The following ZFHX2 variants were observed in gnomAD, a reference collection of about 807,000 sequenced individuals.
ZFHX2 encodes the protein zinc finger homeobox 2.
ZFHX2 carries 75 observed loss-of-function variants against 164.8 expected under a neutral mutation model. The observed-to-expected ratio is 0.46, with a 90% confidence interval of 0.38 to 0.55. ZFHX2 has a LOEUF of 0.55. ZFHX2 is among the 20% of genes least tolerant of loss of function. The probability of loss-of-function intolerance (pLI) is 0.00; values close to 1 mark genes in which losing one functional copy is unlikely to be tolerated. For missense variants in ZFHX2, 2,933 were observed against 3,308.0 expected (o/e 0.89, Z 2.78); for synonymous variants, 1,217 against 1,351.4 (o/e 0.90, Z 2.18).
chr14:23,542,632 T>TGA (rs1385326957), intron 1 of ZFHX2, among the ~76,000 whole-genome samples: 1 of 152,212 alleles, frequency 6.6e-6, no homozygotes, highest in Non-Finnish European at 1.5e-5. Flanking sequence ...ACCCTTCTTC[T>TGA]GTATGAGCAC....
chr14:23,531,811 C>T (rs1454099900), intron 3 of ZFHX2, 90 bp from the exon 4 acceptor site: 4 of 1,258,704 alleles, frequency 3.2e-6, no homozygotes, highest in East Asian at 3.1e-5. Context: ...AGAGTCTTGC[C>T]CTGTTGCCCA....
Position 23,527,625 on chromosome 14 carries a change from G to A in ZFHX2, c.3114C>T (p.Cys1038=), listed in dbSNP as rs559963392. The change falls in exon 7 of 10, where the codon TGC becomes TGT. Residue 1038 remains cysteine (C), a synonymous_variant. Transcript: ENST00000419474. The part of the protein sequence containing the change: ...LSHLHNVVPE[C]VEKLLLVATT... ...TCACTACAAGCAGCAGCTTCTCAACGCACTCGGGCACCACGTTGTGAAGGT... is the reference window on the plus strand; with the variant it reads ...TCACTACAAGCAGCAGCTTCTCAACACACTCGGGCACCACGTTGTGAAGGT... 17 of 1,536,546 alleles carry A rather than the reference G, an allele frequency of 1.1e-5. No individual in the cohort carries two copies. The East Asian group carries it at 2.4e-4, about 22-fold the overall frequency.
Position 23,520,951 on chromosome 14 carries a change from T to C in ZFHX2, c.*1011A>G, listed in dbSNP as rs1211997687. On this transcript the variant is annotated 3_prime_UTR_variant, in exon 10 of 10. Transcript: ENST00000419474. This position sits in a 1 kb window ranked among gnomAD's most constrained non-coding sequence, Gnocchi z 8.7. Reference sequence around the variant, plus strand: ...CTCTGGTGTCCGTTTCTCTCTTTTGTGCGCGTGTGCACGTACTCTCTCTCG... The same window carrying C: ...CTCTGGTGTCCGTTTCTCTCTTTTGCGCGCGTGTGCACGTACTCTCTCTCG... 6 of 152,028 alleles carry C rather than the reference T, an allele frequency of 3.9e-5. No homozygotes were observed. Among genetic ancestry groups the C allele is most frequent in the Non-Finnish European group, 8.8e-5 (6 of 67,976 alleles). 9.4% of individuals were successfully genotyped at this position (152,028 alleles called of 1,614,324 possible). A position where few individuals can be genotyped will look rare whatever the true frequency, so the allele number is the denominator to read the frequency against.
At chr14:23,527,071 C>T in intron 7 of ZFHX2, 98 bp from the exon 8 acceptor site, 1 of 1,391,618 alleles carries the variant, frequency 7.2e-7, no homozygotes, top group Non-Finnish European at 9.3e-7. Context: ...GTGCCGAGAT[C>T]CCTTGCCACA....
Position 23,525,735 on chromosome 14 carries a change from C to A in ZFHX2, c.4207G>T (p.Ala1403Ser). ...TPPPPPQPPKAELAEREWERP... is the reference protein window; with the variant it reads ...TPPPPPQPPKSELAEREWERP... Reference sequence around the variant, plus strand: ...TCCCACTCCCGCTCAGCCAGCTCAGCCTTGGGAGGTTGGGGTGGAGGAGGA... The same window carrying A: ...TCCCACTCCCGCTCAGCCAGCTCAGACTTGGGAGGTTGGGGTGGAGGAGGA... Residue 1403 changes from alanine to serine, a missense_variant, in exon 9 of 10, where the codon GCT (alanine) becomes TCT (serine). Ala to Ser is a moderately conservative substitution (Grantham distance 99). Coordinates refer to ENST00000419474, the MANE Select transcript of ZFHX2 (RefSeq NM_033400.3). This position sits in a 1 kb window ranked among gnomAD's most constrained non-coding sequence, Gnocchi z 5.9. 1.3e-6 allele frequency: 2 copies of A among 1,513,642 alleles called. No individual in the cohort carries two copies. The highest frequency in any genetic ancestry group is 1.8e-6 in the Non-Finnish European group (2 of 1,134,976). 93.8% of individuals were successfully genotyped at this position (1,513,642 alleles called of 1,614,324 possible). A position where few individuals can be genotyped will look rare whatever the true frequency, so the allele number is the denominator to read the frequency against.
rs1438136145 is a variant in ZFHX2 at position 23,522,330 on chromosome 14, A to T, written c.7351T>A (p.Tyr2451Asn). 4 of 1,532,936 alleles carry T rather than the reference A, an allele frequency of 2.6e-6. No homozygotes were observed. The highest frequency in any genetic ancestry group is 3.5e-6 in the Non-Finnish European group (4 of 1,145,094). The allele number at this position is 1,532,936 out of a possible 1,614,324, so 95.0% of individuals were successfully genotyped here. A position where few individuals can be genotyped will look rare whatever the true frequency, so the allele number is the denominator to read the frequency against. ...GCCATCTTGCACTGGCGGCACAGGTAGCGATGGGTTACATCCACGGTGGAG... is the reference window on the plus strand; with the variant it reads ...GCCATCTTGCACTGGCGGCACAGGTTGCGATGGGTTACATCCACGGTGGAG... ...GISTVDVTHR[Y>N]LCRQCKMAFD... is the part of the protein sequence containing the mutation. Residue 2451 changes from tyrosine (Y) to asparagine (N), a missense_variant, in exon 10 of 10, where the codon TAC becomes AAC. Tyr to Asn is a moderately radical substitution (Grantham distance 143, BLOSUM62 -2). Transcript: ENST00000419474.
In ZFHX2 at chr14:23,521,852, G is replaced by A. The variant is rs1036476488; in HGVS notation, c.*110C>T. ...GTGGGAACTGAACAGTTCCTGTGAG[G>A]TGGGCGGGGCCAGGGGGTGGGGTGA... On this transcript the variant is annotated 3_prime_UTR_variant, in exon 10 of 10. Coordinates refer to ENST00000419474, the MANE Select transcript of ZFHX2 (RefSeq NM_033400.3). The A allele has an allele frequency of 2.0e-6, 3 of 1,481,132 alleles. No homozygotes were observed. Among genetic ancestry groups the A allele is most frequent in the Admixed American group, 4.5e-5 (2 of 44,786 alleles). The allele number at this position is 1,481,132 out of a possible 1,614,324, so 91.7% of individuals were successfully genotyped here.
chr14:23,524,599 C>T lies in ZFHX2; in HGVS notation c.5343G>A (p.Gln1781=), dbSNP rs1030973673. Residue 1781 remains glutamine, a synonymous_variant, in exon 9 of 10, where the codon CAG becomes CAA. Coordinates refer to ENST00000419474, the MANE Select transcript of ZFHX2 (RefSeq NM_033400.3). The surrounding 1 kb of genome is among the most constrained non-coding windows in gnomAD (Gnocchi z 5.6). Reference sequence around the variant, plus strand: ...GTCGGCGGTGACTGGTCAGGAGGTCCTGGCTGGAGAAAGAAATGGCACACT... The same window carrying T: ...GTCGGCGGTGACTGGTCAGGAGGTCTTGGCTGGAGAAAGAAATGGCACACT... The part of the protein sequence containing the change: ...CDQCAISFSS[Q]DLLTSHRRLH... The T allele has an allele frequency of 4.6e-6, 7 of 1,536,152 alleles. No individual in the cohort carries two copies. In the Admixed American group the frequency reaches 5.9e-5, roughly 13 times the overall value.
rs141167345 is a variant in ZFHX2 at position 23,521,558 on chromosome 14, G to A, written c.*404C>T. On this transcript the variant is annotated 3_prime_UTR_variant, in exon 10 of 10. Coordinates refer to ENST00000419474, the MANE Select transcript of ZFHX2 (RefSeq NM_033400.3). Reference sequence around the variant, plus strand: ...TCTCAGTGGAACATCATGGGATAACGTGTGTGTGTGCATGTATGTGTATGC... The same window carrying A: ...TCTCAGTGGAACATCATGGGATAACATGTGTGTGTGCATGTATGTGTATGC... 6.0e-4 allele frequency: 100 copies of A among 166,104 alleles called. 1 individual carries two copies. Among genetic ancestry groups the A allele is most frequent in the Middle Eastern group, 2.8e-3 (1 of 356 alleles). The allele number at this position is 166,104 out of a possible 1,614,324, so 10.3% of individuals were successfully genotyped here.
In ZFHX2 at chr14:23,546,008, G is replaced by T. The variant is rs534301659; in HGVS notation, c.-50+5335C>A. 8.5e-5 allele frequency among the ~76,000 whole-genome samples: 13 copies of T among 152,294 alleles called. 1 individual carries two copies. The South Asian group carries it at 2.7e-3, about 32-fold the overall frequency. On this transcript the variant is annotated intron_variant, in intron 1 of 9. Transcript: ENST00000419474. The surrounding 1 kb of genome is among the most constrained non-coding windows in gnomAD (Gnocchi z 4.7). ...ACTCTTGACCTCTAGCCCAAGCCCA[G>T]CCCCAAAGGGAGAGGTCCAGGGCAG...
At chr14:23,527,889 C>T (rs903122025) in intron 6 of ZFHX2, 85 bp from the exon 7 acceptor site, 13 of 1,162,356 alleles carry the variant, frequency 1.1e-5, no homozygotes, top group Non-Finnish European at 1.6e-5. Context: ...CAGCACTGGC[C>T]CGCCCCCACT....
At position 23,546,839 on chromosome 14, in the gene ZFHX2, A is replaced by G. The variant is rs1881440464; in HGVS notation, c.-50+4504T>C. On this transcript the variant is annotated intron_variant, in intron 1 of 9. Transcript: ENST00000419474. This position sits in a 1 kb window ranked among gnomAD's most constrained non-coding sequence, Gnocchi z 4.7. ...GCCCAACTCCGTGGCGGTGGCTGAC[A>G]GTGCAACAGCCACCACTGTCCTTCC... is the stretch of plus-strand genomic sequence containing the variant. Among the ~76,000 whole-genome samples the G allele has an allele frequency of 6.6e-6, 1 of 152,188 alleles. No homozygotes were observed. The highest frequency in any genetic ancestry group is 1.5e-5 in the Non-Finnish European group (1 of 68,020).
rs1878316319 is a variant in ZFHX2 at position 23,523,546 on chromosome 14, G to C, written c.6396C>G (p.Ser2132Arg). The change falls in exon 9 of 10, where the codon AGC (serine) becomes AGG (arginine). Residue 2132 changes from serine (S) to arginine (R), a missense_variant. Transcript: ENST00000419474. This position sits in a 1 kb window ranked among gnomAD's most constrained non-coding sequence, Gnocchi z 4.1. ...KAKLQGTAAGSTGGSSEGLLA... is the reference protein window; with the variant it reads ...KAKLQGTAAGRTGGSSEGLLA... Reference sequence around the variant, plus strand: ...AGAGGCCCTCACTGCTGCCCCCAGTGCTCCCAGCGGCTGTCCCCTGTAGTT... The same window carrying C: ...AGAGGCCCTCACTGCTGCCCCCAGTCCTCCCAGCGGCTGTCCCCTGTAGTT... 1 of 1,536,714 alleles carries C rather than the reference G, an allele frequency of 6.5e-7. No homozygotes were observed. Among genetic ancestry groups the C allele is most frequent in the African/African-American group, 1.4e-5 (1 of 73,084 alleles).
upstream of ZFHX2, among the ~76,000 whole-genome samples, chr14:23,552,646 G>A (rs937961179): frequency 2.6e-5 from 4 of 151,744 alleles, no homozygotes; most frequent in African/African-American, 7.3e-5. Flanking sequence ...CTGTCGCCCA[G>A]GCTGCAGTGC....
rs748670470 is a variant in ZFHX2 at position 23,526,110 on chromosome 14, C to T, written c.3832G>A (p.Gly1278Arg). ...RSVLHQTRSR[G>R]TKTDSKIEGP... ...TCAATCTTGGAATCAGTCTTGGTTC[C>T]CCGAGAGCGAGTCTGATGCAGAACT... is the stretch of plus-strand genomic sequence containing the variant. The change falls in exon 9 of 10, where the codon GGA (glycine) becomes AGA (arginine). Residue 1278 changes from glycine (G) to arginine (R), a missense_variant. Transcript: ENST00000419474. 1 of 1,536,442 alleles carries T rather than the reference C, an allele frequency of 6.5e-7. No individual in the cohort carries two copies. Among genetic ancestry groups the T allele is most frequent in the South Asian group, 1.2e-5 (1 of 84,046 alleles).
Position 23,525,079 on chromosome 14 carries a change from T to A in ZFHX2, c.4863A>T (p.Lys1621Asn), listed in dbSNP as rs910304761. 1 of 1,535,966 alleles carries A rather than the reference T, an allele frequency of 6.5e-7. No individual in the cohort carries two copies. The highest frequency in any genetic ancestry group is 1.4e-5 in the African/African-American group (1 of 73,018). ...QSFFETSAYP[K>N]DGEVERLASL... ...TTGCGAGTCGCTCCACCTCTCCGTC[T>A]TTGGGGTAGGCGCTAGTCTCAAAGA... Residue 1621 changes from lysine (K) to asparagine (N), a missense_variant, in exon 9 of 10, where the codon AAA (lysine) becomes AAT (asparagine). Coordinates refer to ENST00000419474, the MANE Select transcript of ZFHX2 (RefSeq NM_033400.3). The surrounding 1 kb of genome is among the most constrained non-coding windows in gnomAD (Gnocchi z 5.9).
Position 23,526,626 on chromosome 14 carries a change from G to C in ZFHX2, c.3316C>G (p.Leu1106Val), listed in dbSNP as rs757589417. The change falls in exon 9 of 10, where the codon CTG (leucine) becomes GTG (valine). Residue 1106 changes from leucine (L) to valine (V), a missense_variant. Transcript: ENST00000419474. ...ASPDPLPEPPLASVEVPDKPS... is the reference protein window; with the variant it reads ...ASPDPLPEPPVASVEVPDKPS... ...TTGTCTGGGACCTCAACTGAGGCCA[G>C]GGGAGGCTCAGGAAGAGGATCTGGA... The C allele has an allele frequency of 1.2e-5, 19 of 1,535,882 alleles. No individual in the cohort carries two copies. Among genetic ancestry groups the C allele is most frequent in the Middle Eastern group, 3.3e-4 (2 of 6,012 alleles).
rs1305419405 is a variant in ZFHX2 at position 23,524,619 on chromosome 14, C to T, written c.5323G>A (p.Ala1775Thr). The T allele has an allele frequency of 2.6e-6, 4 of 1,536,318 alleles. No homozygotes were observed. The highest frequency in any genetic ancestry group is 3.5e-6 in the Non-Finnish European group (4 of 1,146,876). ...AGGTCCTGGCTGGAGAAAGAAATGG[C>T]ACACTGGTCACAGGTATGGGCTGGG... ...PSPAHTCDQC[A>T]ISFSSQDLLT... Residue 1775 changes from alanine to threonine, a missense_variant, in exon 9 of 10, where the codon GCC becomes ACC. Physicochemically the swap from Ala to Thr is moderately conservative, Grantham distance 58 (BLOSUM62 0). Coordinates refer to ENST00000419474, the MANE Select transcript of ZFHX2 (RefSeq NM_033400.3). This position sits in a 1 kb window ranked among gnomAD's most constrained non-coding sequence, Gnocchi z 5.6.
intron 1 of ZFHX2, chr14:23,543,066 T>C (rs1881000861): frequency 6.6e-6 from 1 of 152,242 alleles, no homozygotes; most frequent in Non-Finnish European, 1.5e-5. Context: ...AATAAGTCTT[T>C]CTGGTTATTT....
Sources: gnomAD v4.1 joint callset for allele counts (sites outside exome capture counted in the v4.1 genomes callset) on GRCh38, gnomAD v4.1.1 for gene constraint, Gnocchi (gnomAD v3.1) non-coding constraint, MANE v1.5 for transcripts, NCBI Gene and HGNC (gene_info 2026-07-23, HGNC 2026-07-21) for gene names.